Variants in PNISR observed in about 807,000 individuals in gnomAD.
PNISR encodes the protein arginine/serine-rich protein PNISR.
In PNISR, 20 loss-of-function variants were observed where a neutral mutation model predicts 93.4. The observed-to-expected ratio is 0.21, with a 90% CI of 0.15 to 0.31. The LOEUF is 0.31. PNISR is among the 10% of genes least tolerant of loss of function. The probability of loss-of-function intolerance (pLI) is 1.00; values close to 1 mark genes in which losing one functional copy is unlikely to be tolerated. For synonymous variants in PNISR, 305 were observed against 306.5 expected (o/e 0.99, Z 0.05); for missense variants, 893 against 985.4 (o/e 0.91, Z 1.25).
intron 10 of PNISR, 58 bp downstream of exon 10, chr6:99,403,771 G>T: frequency 2.4e-6 from 3 of 1,230,226 alleles, no homozygotes; most frequent in Non-Finnish European, 3.6e-6. Flanking sequence ...CACGCAGAGA[G>T]ACAATGTATG....
intron 1 of PNISR, among the ~76,000 whole-genome samples, chr6:99,423,937 TTCTTA>T (rs1431167344): frequency 6.6e-6 from 1 of 152,186 alleles, no homozygotes; most frequent in East Asian, 1.9e-4. Context: ...TCCTACTCTC[TTCTTA>T]TAAGGACAGC....
At chr6:99,420,557 C>T (rs1207041613) in intron 1 of PNISR, among the ~76,000 whole-genome samples, 2 of 152,158 alleles carry the variant, frequency 1.3e-5, no homozygotes, top group African/African-American at 2.4e-5. Context: ...AGTATCTTCA[C>T]TACTAACAAA....
At chr6:99,420,500 T>C (rs73501437) in intron 1 of PNISR, among the ~76,000 whole-genome samples, 2 of 152,238 alleles carry the variant, frequency 1.3e-5, no homozygotes, top group East Asian at 1.9e-4. Context: ...AGTGATTTTA[T>C]GGCAAGGATT....
intron 3 of PNISR, among the ~76,000 whole-genome samples, chr6:99,414,174 T>C (rs969558736): frequency 6.6e-6 from 1 of 152,224 alleles, no homozygotes; most frequent in Non-Finnish European, 1.5e-5. Context: ...CCTTTGTATG[T>C]GTGCCTGAAA....
At position 99,412,780 on chromosome 6, in the gene PNISR, G is replaced by C. The variant is rs769184920; in HGVS notation, c.89-41C>G. 4 of 1,261,646 alleles carry C rather than the reference G, an allele frequency of 3.2e-6. No individual in the cohort carries two copies. In the African/African-American group the frequency reaches 6.0e-5, roughly 19 times the overall value. 78.2% of individuals were successfully genotyped at this position (1,261,646 alleles called of 1,614,324 possible). The stretch of plus-strand genomic sequence containing the variant: ...ACTGACTTCAGCATTCAGAATGTAG[G>C]AGTTAAAAGAATAGTGCCTCTATGT... On this transcript the variant is annotated intron_variant, in intron 3 of 11. Coordinates refer to ENST00000369239, the MANE Select transcript of PNISR (RefSeq NM_032870.4).
At chr6:99,408,872 T>G (rs143373554) in intron 6 of PNISR, among the ~76,000 whole-genome samples, 1 of 152,190 alleles carries the variant, frequency 6.6e-6, no homozygotes, top group Non-Finnish European at 1.5e-5. Flanking sequence ...GGCTCATATA[T>G]CTGTATAATG....
chr6:99,413,434 CCATT>C lies in PNISR; in HGVS notation c.89-699_89-696del, dbSNP rs1341118457. ...TCCATCCATCCATCCATCCATCCAT[CCATT>C]CATCCATGATCCATCCATCCATCCA... On this transcript the variant is annotated intron_variant, in intron 3 of 11. Coordinates refer to ENST00000369239, the MANE Select transcript of PNISR (RefSeq NM_032870.4). Among the ~76,000 whole-genome samples the C allele has an allele frequency of 2.5e-3, 356 of 143,444 alleles. 1 individual carries two copies. The highest frequency in any genetic ancestry group is 7.6e-3 in the African/African-American group (293 of 38,358). The allele number at this position is 143,444 out of a possible 152,430, so 94.1% of individuals were successfully genotyped here. A position where few individuals can be genotyped will look rare whatever the true frequency, so the allele number is the denominator to read the frequency against.
intron 1 of PNISR, among the ~76,000 whole-genome samples, chr6:99,419,749 T>G (rs1778289978): frequency 6.6e-6 from 1 of 152,164 alleles, no homozygotes; most frequent in Non-Finnish European, 1.5e-5. Flanking sequence ...AAAATACACA[T>G]TGACAGAATA....
intron 3 of PNISR, among the ~76,000 whole-genome samples, chr6:99,413,199 G>C (rs1777191355): frequency 6.6e-6 from 1 of 151,958 alleles, no homozygotes; most frequent in African/African-American, 2.4e-5. Flanking sequence ...CCTTTGATGA[G>C]AGCAGCTACC....
At chr6:99,406,505 A>T (rs1776170435) in intron 7 of PNISR, among the ~76,000 whole-genome samples, 1 of 152,170 alleles carries the variant, frequency 6.6e-6, no homozygotes. Context: ...ATGGGCCTGA[A>T]ATGAGACACT....
chr6:99,399,796 A>C lies in PNISR; in HGVS notation c.*744T>G, dbSNP rs1390943851. 1 of 152,230 alleles carries C rather than the reference A, an allele frequency of 6.6e-6. No individual in the cohort carries two copies. The highest frequency in any genetic ancestry group is 6.5e-5 in the Admixed American group (1 of 15,286). The allele number at this position is 152,230 out of a possible 1,614,324, so 9.4% of individuals were successfully genotyped here. On this transcript the variant is annotated 3_prime_UTR_variant, in exon 12 of 12. Transcript: ENST00000369239. ...CATACCCTTAAAGTTGGAATCTGGCAAAAGTCCATGGGTACAATTTACAAA... is the reference window on the plus strand; with the variant it reads ...CATACCCTTAAAGTTGGAATCTGGCCAAAGTCCATGGGTACAATTTACAAA...
At chr6:99,418,593 C>T (rs1310003175) in intron 1 of PNISR, among the ~76,000 whole-genome samples, 1 of 152,006 alleles carries the variant, frequency 6.6e-6, no homozygotes, top group Non-Finnish European at 1.5e-5. Context: ...CTTTTCTTCC[C>T]CAAAGTTTTG....
chr6:99,408,517 T>C (rs912806040), intron 6 of PNISR, among the ~76,000 whole-genome samples: 26 of 152,162 alleles, frequency 1.7e-4, no homozygotes, highest in African/African-American at 5.3e-4. Context: ...TCCACTTTTT[T>C]CCACAGGTGA....
At position 99,414,674 on chromosome 6, in the gene PNISR, T is replaced by C; in HGVS notation, c.-15A>G. The C allele has an allele frequency of 2.0e-6, 3 of 1,535,598 alleles. No individual in the cohort carries two copies. The highest frequency in any genetic ancestry group is 2.7e-6 in the Non-Finnish European group (3 of 1,120,514). ...TGATCCCACATCCCTTCTTTTAAAA[T>C]ATACTTGATTTTCTATCTTCAATAA... On this transcript the variant is annotated 5_prime_UTR_variant, in exon 3 of 12. It adds an upstream start codon to the 5' untranslated region. Coordinates refer to ENST00000369239, the MANE Select transcript of PNISR (RefSeq NM_032870.4).
At chr6:99,406,466 A>T (rs1182452601) in intron 7 of PNISR, among the ~76,000 whole-genome samples, 1 of 152,270 alleles carries the variant, frequency 6.6e-6, no homozygotes, top group East Asian at 1.9e-4. Context: ...ATGCCCAGAG[A>T]CTGATTTAAT....
rs1304803612 is a variant in PNISR at position 99,400,500 on chromosome 6, AT to A, written c.*39del. On this transcript the variant is annotated 3_prime_UTR_variant, in exon 12 of 12. Transcript: ENST00000369239. ...TTTCAACTTTGAATAAATTCAGTCAATTTTTTTTAAAAATCAGACAAAATAC... is the reference window on the plus strand; with the variant it reads ...TTTCAACTTTGAATAAATTCAGTCAATTTTTTTAAAAATCAGACAAAATAC... 14 of 1,568,316 alleles carry A rather than the reference AT, an allele frequency of 8.9e-6. No individual in the cohort carries two copies. The highest frequency in any genetic ancestry group is 4.8e-5 in the South Asian group (4 of 83,892).
rs771761903 is a variant in PNISR, at chr6:99,406,185, T to C, written c.865-17A>G. The C allele has an allele frequency of 1.3e-6, 2 of 1,564,046 alleles. No homozygotes were observed. Among genetic ancestry groups the C allele is most frequent in the Non-Finnish European group, 1.8e-6 (2 of 1,140,958 alleles). On this transcript the variant is annotated splice_polypyrimidine_tract_variant and intron_variant, in intron 7 of 11. Transcript: ENST00000369239. ...ATCACTATCCTATAAAAAACAATAG[T>C]ATGGTAGTCCAAATTCATGTGTATA... is the stretch of plus-strand genomic sequence containing the variant.
chr6:99,400,569 T>TGC lies in PNISR; in HGVS notation c.2387_2388dup (p.Lys797AlafsTer25). The TGC allele has an allele frequency of 6.2e-7, 1 of 1,614,002 alleles. No homozygotes were observed. The highest frequency in any genetic ancestry group is 8.5e-7 in the Non-Finnish European group (1 of 1,179,984). On this transcript the variant is annotated frameshift_variant, in exon 12 of 12. Transcript: ENST00000369239. LOFTEE classifies it high-confidence loss of function. ...CTTGATCGGGACTTAGACTTGTGTT[T>TGC]GCGGCTTGCCTTCTTACCAGACCTT...
chr6:99,406,289 C>T (rs979564362), intron 7 of PNISR, 121 bp from the exon 8 acceptor site: 2 of 485,182 alleles, frequency 4.1e-6, no homozygotes, highest in Non-Finnish European at 3.6e-6. Flanking sequence ...ATGAGTGAAA[C>T]TGCTATCTAA....
Sources: gnomAD v4.1 joint callset for allele counts (sites outside exome capture counted in the v4.1 genomes callset) on GRCh38, gnomAD v4.1.1 for gene constraint, MANE v1.5 for transcripts, NCBI Gene and HGNC (gene_info 2026-07-23, HGNC 2026-07-21) for gene names.